TMEM131: variants seen among roughly 807,000 people sequenced by gnomAD.
The protein encoded by TMEM131 is 2610524E03Rik.
Under a neutral mutation model 211.6 loss-of-function variants are expected in TMEM131, and 66 were observed. The ratio of observed to expected loss-of-function variants is 0.31; its 90% CI spans 0.26 to 0.38. The LOEUF is 0.38. Among genes scored for constraint, TMEM131 ranks in the 10% least tolerant of loss-of-function variants. The probability of loss-of-function intolerance (pLI) is 1.00; values close to 1 mark genes in which losing one functional copy is unlikely to be tolerated. For synonymous variants in TMEM131, 844 were observed against 841.3 expected (o/e 1.00, Z -0.06); for missense variants, 2,036 against 2,299.3 (o/e 0.89, Z 2.34).
intron 12 of TMEM131, 71 bp downstream of exon 12, chr2:97,818,542 C>A (rs527822800): frequency 3.2e-6 from 3 of 927,340 alleles, no homozygotes; most frequent in Non-Finnish European, 4.9e-6. Context: ...TATATTAAGA[C>A]GTTAATACAG....
At chr2:97,820,370 C>A (rs1320248080) in intron 11 of TMEM131, among the ~76,000 whole-genome samples, 1 of 152,204 alleles carries the variant, frequency 6.6e-6, no homozygotes, top group African/African-American at 2.4e-5. Flanking sequence ...AACTGTAAGA[C>A]AAACTGGGAA....
chr2:97,932,110 C>G (rs1025406727), intron 1 of TMEM131, among the ~76,000 whole-genome samples: 7 of 149,970 alleles, frequency 4.7e-5, no homozygotes, highest in Non-Finnish European at 7.4e-5. Flanking sequence ...CCAATGCACT[C>G]CAGCTTGGGT....
At chr2:97,964,933 A>T (rs1260822742) in intron 1 of TMEM131, among the ~76,000 whole-genome samples, 2 of 152,140 alleles carry the variant, frequency 1.3e-5, no homozygotes, top group East Asian at 1.9e-4. Flanking sequence ...TGGGAAAGAG[A>T]GTTTCTAGGG....
chr2:97,877,507 T>C (rs778573922), intron 4 of TMEM131, among the ~76,000 whole-genome samples: 4 of 152,024 alleles, frequency 2.6e-5, no homozygotes, highest in South Asian at 2.1e-4. Flanking sequence ...CCAAAACAGA[T>C]ATATAGACCA....
At chr2:97,826,576 G>C (rs34528940) in intron 11 of TMEM131, among the ~76,000 whole-genome samples, 50,432 of 151,634 alleles carry the variant, frequency 0.33, 9,233 homozygotes, top group Non-Finnish European at 0.39. Flanking sequence ...CAGAAAGTCA[G>C]AGAGAGAGAG....
At chr2:97,786,058 C>A (rs1030295807) in intron 31 of TMEM131, among the ~76,000 whole-genome samples, 27 of 151,736 alleles carry the variant, frequency 1.8e-4, no homozygotes, top group African/African-American at 6.5e-4. Flanking sequence ...AGAAAAGGGC[C>A]CATGAGGATT....
At chr2:97,772,565 T>C in intron 32 of TMEM131, 141 bp from the exon 33 acceptor site, 2 of 1,022,878 alleles carry the variant, frequency 2.0e-6, no homozygotes, top group Non-Finnish European at 2.8e-6. Flanking sequence ...TCTTCAAATC[T>C]GTCTTCACTG....
chr2:97,904,561 T>C (rs1675990108), intron 3 of TMEM131, among the ~76,000 whole-genome samples: 1 of 152,194 alleles, frequency 6.6e-6, no homozygotes, highest in South Asian at 2.1e-4. Context: ...AAAGTTCTTG[T>C]AGACAAAATA....
intron 4 of TMEM131, among the ~76,000 whole-genome samples, chr2:97,861,312 T>A (rs1356699987): frequency 6.6e-6 from 1 of 151,504 alleles, no homozygotes; most frequent in African/African-American, 2.4e-5. Context: ...AAGGGAGTGC[T>A]TGCACCACTC....
Position 97,759,742 on chromosome 2 carries a change from A to G in TMEM131, c.5116T>C (p.Leu1706=). ...CTTGGGTTGCTGACGGGACTCCACA[A>G]ACCCGAGCTAAATGTTACAAGAGGA... ...VDSDGSDSSG[L]WSPVSNPSSP... The change falls in exon 39 of 41, where the codon TTG becomes CTG. Residue 1706 remains leucine (L), a synonymous_variant. Transcript: ENST00000186436. 1 of 1,612,250 alleles carries G rather than the reference A, an allele frequency of 6.2e-7. No individual in the cohort carries two copies. The highest frequency in any genetic ancestry group is 8.5e-7 in the Non-Finnish European group (1 of 1,179,076).
intron 12 of TMEM131, 32 bp from the exon 13 acceptor site, chr2:97,815,339 A>C: frequency 7.6e-7 from 1 of 1,315,760 alleles, no homozygotes; most frequent in Non-Finnish European, 1.0e-6. Flanking sequence ...AATCTCTGTT[A>C]CCTTTTACTA....
In TMEM131 at chr2:97,813,647, T is replaced by G. The variant is rs78756291; in HGVS notation, c.1617+324A>C. On this transcript the variant is annotated intron_variant, in intron 15 of 40. Coordinates refer to ENST00000186436, the MANE Select transcript of TMEM131 (RefSeq NM_015348.2). ...CCTCTTCACCTTCCTTGTATTATTCTTTTTCTACCTATCATTTTTCTATTT... is the reference window on the plus strand; with the variant it reads ...CCTCTTCACCTTCCTTGTATTATTCGTTTTCTACCTATCATTTTTCTATTT... Among the ~76,000 whole-genome samples the G allele has an allele frequency of 3.4e-3, 525 of 152,372 alleles. 8 individuals carry two copies. The East Asian group carries it at 0.042, about 12-fold the overall frequency.
At chr2:97,822,967 T>C (rs1173912305) in intron 11 of TMEM131, among the ~76,000 whole-genome samples, 1 of 152,074 alleles carries the variant, frequency 6.6e-6, no homozygotes, top group South Asian at 2.1e-4. Context: ...ATGGGGAAAA[T>C]GGCCACCTGA....
chr2:97,861,116 G>A (rs1385936411), intron 4 of TMEM131, among the ~76,000 whole-genome samples: 5 of 152,164 alleles, frequency 3.3e-5, no homozygotes, highest in Non-Finnish European at 5.9e-5. Context: ...AACTCTAGCA[G>A]TCCTAACTTG....
At chr2:97,808,324 G>T (rs1681403339) in intron 19 of TMEM131, among the ~76,000 whole-genome samples, 2 of 152,148 alleles carry the variant, frequency 1.3e-5, no homozygotes, top group South Asian at 4.1e-4. Context: ...ATTTTGCAAT[G>T]TCTTGTTTCT....
chr2:97,777,503 A>G (rs1193284317), intron 31 of TMEM131, among the ~76,000 whole-genome samples: 2 of 152,246 alleles, frequency 1.3e-5, no homozygotes, highest in African/African-American at 4.8e-5. Flanking sequence ...AAAGACACAA[A>G]TAAGAAGAGG....
At chr2:97,771,904 G>C (rs1679485305) in intron 33 of TMEM131, among the ~76,000 whole-genome samples, 1 of 152,178 alleles carries the variant, frequency 6.6e-6, no homozygotes, top group African/African-American at 2.4e-5. Context: ...ATCCCAACTG[G>C]GTTAACAATT....
At chr2:97,795,401 T>C (rs1374653118) in intron 28 of TMEM131, among the ~76,000 whole-genome samples, 6 of 151,838 alleles carry the variant, frequency 4.0e-5, no homozygotes, top group Non-Finnish European at 8.8e-5. Context: ...CTTCTCTCCT[T>C]CTTTCTTCTT....
intron 2 of TMEM131, among the ~76,000 whole-genome samples, chr2:97,910,684 T>C (rs1234777359): frequency 1.3e-5 from 2 of 152,174 alleles, no homozygotes; most frequent in Admixed American, 1.3e-4. Context: ...GGTATCTCAT[T>C]GTGGTTTTGA....
Sources: gnomAD v4.1 joint callset for allele counts (sites outside exome capture counted in the v4.1 genomes callset) on GRCh38, gnomAD v4.1.1 for gene constraint, MANE v1.5 for transcripts, NCBI Gene and HGNC (gene_info 2026-07-23, HGNC 2026-07-21) for gene names.